The following PIK3C2G variants were observed in gnomAD, a reference collection of about 807,000 sequenced individuals.
PIK3C2G encodes phosphatidylinositol-4-phosphate 3-kinase catalytic subunit type 2 gamma, also known as phosphatidylinositol 3-kinase C2 domain-containing subunit gamma.
A neutral mutation model predicts 181.1 loss-of-function variants in PIK3C2G; 168 were observed. That is an observed-to-expected ratio of 0.93 (90% CI 0.82 to 1.05). The LOEUF (loss-of-function observed/expected upper bound fraction) is 1.05, where lower values mean the gene tolerates loss of function less well. PIK3C2G is among the 50% of genes least tolerant of loss of function. The pLI is 0.00. For missense variants in PIK3C2G, 1,869 were observed against 1,732.8 expected, an observed-to-expected ratio of 1.08 and a Z score of -1.40; for synonymous variants, 573 against 592.2, an observed-to-expected ratio of 0.97 and a Z score of 0.47.
chr12:18,348,056 T>C (rs770936137), intron 11 of PIK3C2G, among the ~76,000 whole-genome samples: 1 of 151,992 alleles, frequency 6.6e-6, no homozygotes, highest in Non-Finnish European at 1.5e-5. Flanking sequence ...CTCTAATTAA[T>C]GTTTTCTTTT....
At chr12:18,330,977 C>G (rs1377449162) in intron 8 of PIK3C2G, among the ~76,000 whole-genome samples, 1 of 152,146 alleles carries the variant, frequency 6.6e-6, no homozygotes, top group Non-Finnish European at 1.5e-5. Flanking sequence ...GATTTGCCCA[C>G]AGAAGTTTGC....
intron 6 of PIK3C2G, among the ~76,000 whole-genome samples, chr12:18,316,440 T>G (rs1246877116): frequency 6.6e-6 from 1 of 152,050 alleles, no homozygotes; most frequent in African/African-American, 2.4e-5. Flanking sequence ...AAATGCCAGT[T>G]TTTTAATATG....
chr12:18,568,295 T>G (rs1199307350), intron 29 of PIK3C2G, among the ~76,000 whole-genome samples: 10 of 152,068 alleles, frequency 6.6e-5, no homozygotes, highest in Admixed American at 4.6e-4. Flanking sequence ...GGTAAGAGTT[T>G]GGACGCCAAG....
chr12:18,547,790 C>T (rs778107165), intron 26 of PIK3C2G, among the ~76,000 whole-genome samples: 14 of 152,010 alleles, frequency 9.2e-5, no homozygotes, highest in Non-Finnish European at 1.9e-4. Context: ...CATTTGTTTA[C>T]ATCTACTAGC....
chr12:18,646,267 T>G (rs1180911280), intron 32 of PIK3C2G, among the ~76,000 whole-genome samples: 3 of 152,184 alleles, frequency 2.0e-5, no homozygotes, highest in Non-Finnish European at 4.4e-5. Context: ...AACCACAGTA[T>G]TACTCCTGCA....
chr12:18,605,283 A>G (rs530474721), intron 30 of PIK3C2G, among the ~76,000 whole-genome samples: 2 of 152,298 alleles, frequency 1.3e-5, no homozygotes, highest in East Asian at 3.9e-4. Flanking sequence ...TAGAAAACCT[A>G]GAAGACATGG....
chr12:18,282,774 T>C lies in PIK3C2G; in HGVS notation c.678+15T>C. On this transcript the variant is annotated intron_variant, in intron 2 of 32. Transcript: ENST00000538779. ...AGAATATAGAGGTAAGTATAATACA[T>C]GTCAATGTAAAAATATGAATCTGAA... The C allele has an allele frequency of 6.8e-7, 1 of 1,467,858 alleles. No homozygotes were observed. Among genetic ancestry groups the C allele is most frequent in the Non-Finnish European group, 9.2e-7 (1 of 1,082,940 alleles). The allele number at this position is 1,467,858 out of a possible 1,614,324, so 90.9% of individuals were successfully genotyped here. A position where few individuals can be genotyped will look rare whatever the true frequency, so the allele number is the denominator to read the frequency against.
chr12:18,384,206 T>C (rs772192965), intron 14 of PIK3C2G, among the ~76,000 whole-genome samples: 7 of 151,986 alleles, frequency 4.6e-5, no homozygotes, highest in Non-Finnish European at 8.8e-5. Context: ...AAGTGGTAGA[T>C]TTTAGAAACT....
intron 25 of PIK3C2G, among the ~76,000 whole-genome samples, 177 bp downstream of exon 25, chr12:18,538,489 T>A (rs1943981975): frequency 6.6e-6 from 1 of 151,990 alleles, no homozygotes; most frequent in Non-Finnish European, 1.5e-5. Context: ...TAATTTAATA[T>A]GTTCGTTCAT....
chr12:18,512,910 G>A (rs539887835), intron 24 of PIK3C2G, among the ~76,000 whole-genome samples: 1 of 151,934 alleles, frequency 6.6e-6, no homozygotes, highest in East Asian at 1.9e-4. Context: ...TCACCATTGA[G>A]AATAAAATTA....
At chr12:18,670,271 T>G in the PIK3C2G span, among the ~76,000 whole-genome samples, 1 of 151,782 alleles carries the variant, frequency 6.6e-6, no homozygotes, top group Admixed American at 6.6e-5. Context: ...TTCTCCACAA[T>G]TACAGAAATT....
rs1196332753 is a variant in PIK3C2G at position 18,269,892 on chromosome 12, TTTTTCTTTTTTTTTC to T, written c.-79+8330_-79+8344del. 2.7e-5 allele frequency among the ~76,000 whole-genome samples: 4 copies of T among 146,596 alleles called. No homozygotes were observed. In the Admixed American group the frequency reaches 2.8e-4, roughly 10 times the overall value. On this transcript the variant is annotated intron_variant, in intron 1 of 32. Transcript: ENST00000538779. ...TTGTCAGACACTGACAAGTTACCCT[TTTTTCTTTTTTTTTC>T]TTTTCTTTTTTTTTTTTTTTGAGAT...
intron 12 of PIK3C2G, among the ~76,000 whole-genome samples, chr12:18,367,096 A>G (rs1489400516): frequency 6.6e-6 from 1 of 152,242 alleles, no homozygotes; most frequent in African/African-American, 2.4e-5. Flanking sequence ...TAATGGGAAA[A>G]AAAGAACATT....
the PIK3C2G span, among the ~76,000 whole-genome samples, chr12:18,672,483 G>A: frequency 3.3e-5 from 5 of 152,002 alleles, no homozygotes; most frequent in South Asian, 1.0e-3. Context: ...ATAAATCTAG[G>A]TTAAAACAAC....
At position 18,500,041 on chromosome 12, in the gene PIK3C2G, T is replaced by C. The variant is rs1036569721; in HGVS notation, c.3016+2293T>C. On this transcript the variant is annotated intron_variant, in intron 22 of 32. Coordinates refer to ENST00000538779, the MANE Select transcript of PIK3C2G (RefSeq NM_001288772.2). Reference sequence around the variant, plus strand: ...GCCTCCTCTGCCTGGGCTCCCACTTTGGCGGCACTTGAGGAGCCCTTCAGC... The same window carrying C: ...GCCTCCTCTGCCTGGGCTCCCACTTCGGCGGCACTTGAGGAGCCCTTCAGC... 7.2e-5 allele frequency among the ~76,000 whole-genome samples: 11 copies of C among 152,344 alleles called. No homozygotes were observed. The East Asian group carries it at 2.1e-3, about 30-fold the overall frequency.
chr12:18,436,523 C>T (rs1946456620), intron 18 of PIK3C2G, among the ~76,000 whole-genome samples: 1 of 151,952 alleles, frequency 6.6e-6, no homozygotes, highest in Non-Finnish European at 1.5e-5. Context: ...TTCTCTTCTG[C>T]ACTGTGAGGA....
chr12:18,505,240 A>C, intron 23 of PIK3C2G, 52 bp from the exon 24 acceptor site: 1 of 1,449,462 alleles, frequency 6.9e-7, no homozygotes, highest in East Asian at 2.4e-5. Context: ...ATGCTAATGC[A>C]TTTGCTCATT....
At chr12:18,384,458 T>A (rs1220662949) in intron 14 of PIK3C2G, among the ~76,000 whole-genome samples, 4 of 152,098 alleles carry the variant, frequency 2.6e-5, no homozygotes, top group Non-Finnish European at 4.4e-5. Context: ...ACAAATGTAT[T>A]TTCTATCAAA....
intron 19 of PIK3C2G, among the ~76,000 whole-genome samples, chr12:18,490,162 A>G (rs147589162): frequency 1.2e-3 from 184 of 152,264 alleles, no homozygotes; most frequent in African/African-American, 4.2e-3. Flanking sequence ...ATTCCTCTCC[A>G]TGATATCTGC....
Sources: allele counts gnomAD v4.1 joint callset (sites outside exome capture counted in the v4.1 genomes callset), GRCh38; gene constraint gnomAD v4.1.1; transcripts MANE v1.5; gene names NCBI Gene and HGNC (gene_info 2026-07-23, HGNC 2026-07-21).